The following GNB4 variants were observed in gnomAD, a reference collection of about 807,000 sequenced individuals.
GNB4 encodes the protein guanine nucleotide-binding protein subunit beta-4.
In GNB4, 28 loss-of-function variants were observed where a neutral mutation model predicts 45.2. The ratio of observed to expected loss-of-function variants is 0.62; its 90% confidence interval spans 0.46 to 0.85. The LOEUF is 0.85. GNB4 is among the 40% of genes least tolerant of loss of function. The pLI is 0.00. For missense variants in GNB4, 321 were observed against 425.4 expected, an observed-to-expected ratio of 0.75 and a Z score of 2.16; for synonymous variants, 132 against 143.7, an observed-to-expected ratio of 0.92 and a Z score of 0.58.
intron 8 of GNB4, among the ~76,000 whole-genome samples, chr3:179,412,202 C>G (rs1268379181): frequency 1.3e-5 from 2 of 152,234 alleles, no homozygotes; most frequent in East Asian, 3.9e-4. Flanking sequence ...CATGGTAGCT[C>G]ACTCCTTGTA....
the GNB4 span, among the ~76,000 whole-genome samples, chr3:179,501,165 C>T: frequency 3.9e-5 from 6 of 152,170 alleles, no homozygotes; most frequent in African/African-American, 7.2e-5. Flanking sequence ...ACCATGCTGT[C>T]AGCTTCCAGA....
rs1163261732 is a variant in GNB4, at chr3:179,396,524, T to C, written c.*4689A>G. The C allele has an allele frequency of 6.6e-6, 1 of 152,200 alleles. No homozygotes were observed. Among genetic ancestry groups the C allele is most frequent in the African/African-American group, 2.4e-5 (1 of 41,428 alleles). 9.4% of individuals were successfully genotyped at this position (152,200 alleles called of 1,614,324 possible). ...AGGCTTGAGATATCTACCAAGTATA[T>C]CACTGAAGTTCTATTAATTAAGAAA... is the stretch of plus-strand genomic sequence containing the variant. On this transcript the variant is annotated 3_prime_UTR_variant, in exon 10 of 10. Coordinates refer to ENST00000232564, the MANE Select transcript of GNB4 (RefSeq NM_021629.4).
intron 9 of GNB4, among the ~76,000 whole-genome samples, chr3:179,404,593 C>T (rs1203625294): frequency 2.0e-5 from 3 of 152,010 alleles, no homozygotes; most frequent in Non-Finnish European, 4.4e-5. Context: ...CTTTGGGGAG[C>T]AGAAACTATG....
intron 4 of GNB4, among the ~76,000 whole-genome samples, chr3:179,418,470 C>CAAAAAAAAAAAAAAAAAA (rs386356535): frequency 3.1e-5 from 3 of 95,360 alleles, no homozygotes; most frequent in Non-Finnish European, 4.2e-5. Context: ...AACTCTGTCT[C>CAAAAAAAAAAAAAAAAAA]AAAAAAAAAA....
At chr3:179,481,146 C>T in the GNB4 span, among the ~76,000 whole-genome samples, 3 of 152,098 alleles carry the variant, frequency 2.0e-5, no homozygotes, top group East Asian at 1.9e-4. Context: ...CCACTGCGCC[C>T]GGCCGCAAAC....
chr3:179,524,145 T>C, the GNB4 span, among the ~76,000 whole-genome samples: 1 of 152,226 alleles, frequency 6.6e-6, no homozygotes, highest in Non-Finnish European at 1.5e-5. Context: ...ATCCAAAGTA[T>C]CTGTGATGGT....
Position 179,447,641 on chromosome 3 carries a change from G to C in GNB4, c.-43+3705C>G, listed in dbSNP as rs73883521. 7.1e-3 allele frequency among the ~76,000 whole-genome samples: 1,080 copies of C among 152,284 alleles called. 13 individuals are homozygous for C. The highest frequency in any genetic ancestry group is 0.025 in the African/African-American group (1,031 of 41,552). ...AGAGTGGAAGCTGACAAACCAGTTG[G>C]GGGGCTCCTGCAGTCATCCAGGCCA... On this transcript the variant is annotated intron_variant, in intron 1 of 9. Transcript: ENST00000232564.
chr3:179,464,333 A>C, the GNB4 span: 8 of 699,834 alleles, frequency 1.1e-5, no homozygotes, highest in Non-Finnish European at 1.8e-5. Flanking sequence ...CGGCGCAGTC[A>C]CCGGCACAGG....
the GNB4 span, among the ~76,000 whole-genome samples, chr3:179,501,518 T>C: frequency 6.6e-6 from 1 of 150,508 alleles, no homozygotes; most frequent in South Asian, 2.1e-4. Context: ...AGAGATGGCA[T>C]TTTGTCGTGT....
intron 8 of GNB4, among the ~76,000 whole-genome samples, chr3:179,412,866 A>G (rs923318206): frequency 7.0e-4 from 106 of 152,064 alleles, no homozygotes; most frequent in African/African-American, 2.4e-3. Context: ...AAAAAAAAAA[A>G]GTGATATTCA....
chr3:179,437,242 A>T (rs1467518122), intron 1 of GNB4, among the ~76,000 whole-genome samples: 3 of 152,218 alleles, frequency 2.0e-5, no homozygotes, highest in Admixed American at 6.5e-5. Context: ...GTCAAGAATT[A>T]AAATTTCTGA....
At chr3:179,472,096 A>G in the GNB4 span, among the ~76,000 whole-genome samples, 1 of 152,118 alleles carries the variant, frequency 6.6e-6, no homozygotes, top group Admixed American at 6.5e-5. Flanking sequence ...AAAACTCACT[A>G]AACGTAAAGG....
chr3:179,524,979 C>T, the GNB4 span, among the ~76,000 whole-genome samples: 1 of 151,774 alleles, frequency 6.6e-6, no homozygotes, highest in Non-Finnish European at 1.5e-5. Flanking sequence ...GGACCTGGCT[C>T]GGCCTGGCGA....
the GNB4 span, among the ~76,000 whole-genome samples, chr3:179,470,506 T>A: frequency 9.4e-3 from 1,410 of 150,280 alleles, 25 homozygotes; most frequent in African/African-American, 0.033. Context: ...AATGAAGATA[T>A]AGAGAAAGAA....
At chr3:179,436,104 A>T (rs540799379) in intron 1 of GNB4, among the ~76,000 whole-genome samples, 1 of 152,380 alleles carries the variant, frequency 6.6e-6, no homozygotes, top group South Asian at 2.1e-4. Context: ...CACTTTAAAA[A>T]TGTAAGGATA....
chr3:179,463,611 C>T, the GNB4 span, among the ~76,000 whole-genome samples: 3 of 152,198 alleles, frequency 2.0e-5, no homozygotes, highest in Admixed American at 6.5e-5. Context: ...TTTGTACCCA[C>T]GTGTTGGATC....
At chr3:179,526,422 C>T in the GNB4 span, among the ~76,000 whole-genome samples, 22 of 152,304 alleles carry the variant, frequency 1.4e-4, no homozygotes, top group African/African-American at 5.1e-4. Flanking sequence ...GGGATTGTTG[C>T]CTTTCTCTAC....
chr3:179,456,107 C>CTTTT (rs10603569), upstream of GNB4, among the ~76,000 whole-genome samples: 1 of 122,622 alleles, frequency 8.2e-6, no homozygotes, highest in Non-Finnish European at 1.7e-5. Flanking sequence ...GGGACATAGA[C>CTTTT]TTTTTTTTTT....
At chr3:179,487,207 TTAAC>T in the GNB4 span, among the ~76,000 whole-genome samples, 1 of 152,192 alleles carries the variant, frequency 6.6e-6, no homozygotes, top group Non-Finnish European at 1.5e-5. Context: ...CTACCAGTGT[TTAAC>T]AAAGAAAGGC....
Sources: allele counts gnomAD v4.1 joint callset (sites outside exome capture counted in the v4.1 genomes callset), GRCh38; gene constraint gnomAD v4.1.1; transcripts MANE v1.5; gene names NCBI Gene and HGNC (gene_info 2026-07-23, HGNC 2026-07-21).